The following WASF3 variants were observed in gnomAD, a reference collection of about 807,000 sequenced individuals.
WASF3 encodes the protein WASP family member 3.
WASF3 carries 11 observed loss-of-function variants against 46.6 expected under a neutral mutation model. The ratio of observed to expected loss-of-function variants is 0.24; its 90% confidence interval spans 0.15 to 0.39. The LOEUF is 0.39. WASF3 is among the 10% of genes least tolerant of loss of function. WASF3 has a pLI of 1.00. For missense variants in WASF3, 576 were observed against 669.8 expected (o/e 0.86, Z 1.55); for synonymous variants, 242 against 259.7 (o/e 0.93, Z 0.65).
chr13:26,559,528 C>A (rs1297248605), intron 1 of WASF3, among the ~76,000 whole-genome samples: 2 of 152,212 alleles, frequency 1.3e-5, no homozygotes, highest in African/African-American at 2.4e-5. Flanking sequence ...CCTCCTATCT[C>A]TTGTCAGTGT....
rs1382333884 is a variant in WASF3, at chr13:26,619,458, A to G, written c.-11+6400A>G. ...GACATCAAATGGAATTTGACTTACC[A>G]GATGTCGTACTGAATCATGGTCTGC... On this transcript the variant is annotated intron_variant, in intron 2 of 9. Transcript: ENST00000335327. 5 of 152,344 alleles carry G rather than the reference A, an allele frequency of 3.3e-5. No homozygotes were observed. In the South Asian group the frequency reaches 6.2e-4, roughly 19 times the overall value. 9.4% of individuals were successfully genotyped at this position (152,344 alleles called of 1,614,324 possible).
At chr13:26,576,952 G>T in intron 1 of WASF3, 1 of 748,224 alleles carries the variant, frequency 1.3e-6, no homozygotes, top group South Asian at 1.4e-5. Flanking sequence ...GAAAGTGGTT[G>T]ATCCATTTTC....
At chr13:26,582,863 G>A (rs1251607177) in intron 1 of WASF3, among the ~76,000 whole-genome samples, 1 of 152,012 alleles carries the variant, frequency 6.6e-6, no homozygotes, top group African/African-American at 2.4e-5. Context: ...ATCTGTATGT[G>A]TGTTCTGAGA....
chr13:26,661,377 T>A (rs1414237088), intron 3 of WASF3, among the ~76,000 whole-genome samples: 1 of 152,264 alleles, frequency 6.6e-6, no homozygotes, highest in African/African-American at 2.4e-5. Flanking sequence ...AGTATTTGTC[T>A]TTTGTGACTG....
chr13:26,681,181 G>A lies in WASF3; in HGVS notation c.844G>A (p.Ala282Thr). The A allele has an allele frequency of 6.2e-7, 1 of 1,614,130 alleles. No individual in the cohort carries two copies. The highest frequency in any genetic ancestry group is 1.7e-5 in the Admixed American group (1 of 60,020). ...VPPHGPASQAAEHEYRPPSAS... is the reference protein window; with the variant it reads ...VPPHGPASQATEHEYRPPSAS... Reference sequence around the variant, plus strand: ...ACCACACGGGCCTGCAAGCCAGGCTGCGGAGCATGAGTACCGGCCCCCATC... The same window carrying A: ...ACCACACGGGCCTGCAAGCCAGGCTACGGAGCATGAGTACCGGCCCCCATC... Residue 282 changes from alanine (A) to threonine (T), a missense_variant, in exon 8 of 10, where the codon GCG becomes ACG. Ala to Thr is a moderately conservative substitution (Grantham distance 58). Coordinates refer to ENST00000335327, the MANE Select transcript of WASF3 (RefSeq NM_006646.6).
At chr13:26,661,905 G>T (rs1882643277) in intron 3 of WASF3, among the ~76,000 whole-genome samples, 1 of 152,186 alleles carries the variant, frequency 6.6e-6, no homozygotes, top group African/African-American at 2.4e-5. Context: ...GAAATGGTAG[G>T]TAAAGCACTT....
In WASF3 at chr13:26,606,543, A is replaced by T. The variant is rs572332567; in HGVS notation, c.-108-6418A>T. On this transcript the variant is annotated intron_variant, in intron 1 of 9. Coordinates refer to ENST00000335327, the MANE Select transcript of WASF3 (RefSeq NM_006646.6). ...GCTAATTTTTTTTTTTTTTTTTAAG[A>T]TACGGATTTTGCCCTGTTGCCCGGG... 139 of 147,204 alleles carry T rather than the reference A, an allele frequency of 9.4e-4. 1 individual carries two copies. The highest frequency in any genetic ancestry group is 3.4e-3 in the African/African-American group (135 of 39,738). 9.1% of individuals were successfully genotyped at this position (147,204 alleles called of 1,614,324 possible). A position where few individuals can be genotyped will look rare whatever the true frequency, so the allele number is the denominator to read the frequency against.
At chr13:26,664,219 T>G (rs541948600) in intron 3 of WASF3, among the ~76,000 whole-genome samples, 7 of 152,312 alleles carry the variant, frequency 4.6e-5, no homozygotes, top group African/African-American at 1.7e-4. Context: ...AGTGATAAAC[T>G]GATAGAAAAT....
intron 1 of WASF3, among the ~76,000 whole-genome samples, chr13:26,595,581 G>T (rs35644104): frequency 0.27 from 40,221 of 151,336 alleles, 5,857 homozygotes; most frequent in Non-Finnish European, 0.34. Flanking sequence ...GTGTAGATTC[G>T]TATAACCGCT....
chr13:26,652,414 A>T (rs2137434411), intron 3 of WASF3, among the ~76,000 whole-genome samples: 1 of 152,326 alleles, frequency 6.6e-6, no homozygotes, highest in East Asian at 1.9e-4. Flanking sequence ...ACTCAAAATC[A>T]TAGTTGGAGA....
At chr13:26,579,711 T>C (rs1879922401) in intron 1 of WASF3, among the ~76,000 whole-genome samples, 2 of 152,182 alleles carry the variant, frequency 1.3e-5, no homozygotes, top group African/African-American at 4.8e-5. Context: ...TATAGACCCT[T>C]GTGTTTACCC....
chr13:26,630,861 G>A (rs1404219683), intron 2 of WASF3, among the ~76,000 whole-genome samples: 3 of 152,212 alleles, frequency 2.0e-5, no homozygotes, highest in African/African-American at 4.8e-5. Context: ...TCTAACTGGT[G>A]TGAGATGGTA....
At chr13:26,558,561 G>C (rs1879180742) in intron 1 of WASF3, among the ~76,000 whole-genome samples, 1 of 150,498 alleles carries the variant, frequency 6.6e-6, no homozygotes, top group African/African-American at 2.4e-5. Context: ...CTTCCTCTCA[G>C]TTTGTGGTGC....
chr13:26,591,046 G>A (rs1044575939), intron 1 of WASF3, among the ~76,000 whole-genome samples: 4 of 151,972 alleles, frequency 2.6e-5, no homozygotes, highest in Admixed American at 1.3e-4. Context: ...GGTGGGTGGG[G>A]CGGAACATTC....
At chr13:26,594,808 C>A (rs1880411719) in intron 1 of WASF3, among the ~76,000 whole-genome samples, 1 of 63,956 alleles carries the variant, frequency 1.6e-5, no homozygotes, top group Admixed American at 1.5e-4. Flanking sequence ...GGTATCTTGA[C>A]CTTTTGGAGC....
chr13:26,676,993 GAT>G lies in WASF3; in HGVS notation c.716+270_716+271del, dbSNP rs935845303. Among the ~76,000 whole-genome samples the G allele has an allele frequency of 3.3e-4, 51 of 152,294 alleles. 1 individual carries two copies. Among genetic ancestry groups the G allele is most frequent in the African/African-American group, 1.2e-3 (51 of 41,558 alleles). On this transcript the variant is annotated intron_variant, in intron 7 of 9. Transcript: ENST00000335327. ...CATCTAGATGTAGTGTTTTAACACT[GAT>G]TCTGAATTTGGGGTAACTGCTTATG...
Position 26,559,788 on chromosome 13 carries a change from T to TTTTCTTTTCTTTCTTTCTTTC in WASF3, c.-109+1976_-109+1977insTCTTTCTTTCTTTCTTTCTTT, listed in dbSNP as rs1555246391. Reference sequence around the variant, plus strand: ...AGACCTTGAATCTCTTTTTCTTTTCTTTTCTTTCTTTCTTTCTTTCTTTTT... The same window carrying TTTTCTTTTCTTTCTTTCTTTC: ...AGACCTTGAATCTCTTTTTCTTTTCTTTTCTTTTCTTTCTTTCTTTCTTTCTTTCTTTCTTTCTTTCTTTTT... On this transcript the variant is annotated intron_variant, in intron 1 of 9. Coordinates refer to ENST00000335327, the MANE Select transcript of WASF3 (RefSeq NM_006646.6). 7.3e-4 allele frequency among the ~76,000 whole-genome samples: 59 copies of TTTTCTTTTCTTTCTTTCTTTC among 80,526 alleles called. 2 individuals carry two copies. Among genetic ancestry groups the TTTTCTTTTCTTTCTTTCTTTC allele is most frequent in the African/African-American group, 1.8e-3 (37 of 20,302 alleles). The allele number at this position is 80,526 out of a possible 152,430, so 52.8% of individuals were successfully genotyped here. A position where few individuals can be genotyped will look rare whatever the true frequency, so the allele number is the denominator to read the frequency against.
intron 3 of WASF3, among the ~76,000 whole-genome samples, chr13:26,649,870 G>A (rs543574870): frequency 2.6e-5 from 4 of 152,056 alleles, no homozygotes; most frequent in Admixed American, 2.6e-4. Context: ...AGGAGTTCAA[G>A]ACCAGCCTGG....
intron 1 of WASF3, among the ~76,000 whole-genome samples, chr13:26,583,501 G>A (rs1385589161): frequency 6.6e-6 from 1 of 152,200 alleles, no homozygotes; most frequent in African/African-American, 2.4e-5. Flanking sequence ...GAAGCTAAGA[G>A]TCGAAGGCTC....
Sources: allele counts gnomAD v4.1 joint callset (sites outside exome capture counted in the v4.1 genomes callset), GRCh38; gene constraint gnomAD v4.1.1; transcripts MANE v1.5; gene names NCBI Gene and HGNC (gene_info 2026-07-23, HGNC 2026-07-21).